BRINP3: variants seen among roughly 807,000 people sequenced by gnomAD.
BRINP3 encodes the protein BMP/retinoic acid inducible neural specific 3, also known as BMP/retinoic acid-inducible neural-specific protein 3.
A neutral mutation model predicts 71.0 loss-of-function variants in BRINP3; 19 were observed. The observed-to-expected ratio is 0.27, with a 90% CI of 0.19 to 0.39. BRINP3 has a LOEUF of 0.39. Among genes scored for constraint, BRINP3 ranks in the 10% least tolerant of loss-of-function variants. The probability of loss-of-function intolerance (pLI) is 1.00; values close to 1 mark genes in which losing one functional copy is unlikely to be tolerated. For synonymous variants in BRINP3, 380 were observed against 337.7 expected (o/e 1.13, Z -1.37); for missense variants, 959 against 940.8 (o/e 1.02, Z -0.25).
chr1:190,262,921 ATATT>A (rs1225241635), intron 4 of BRINP3, among the ~76,000 whole-genome samples: 5 of 152,072 alleles, frequency 3.3e-5, no homozygotes, highest in African/African-American at 1.2e-4. Flanking sequence ...GTATATATAT[ATATT>A]TCTTTTTTTG....
chr1:190,447,327 T>C (rs76238798), intron 2 of BRINP3, among the ~76,000 whole-genome samples: 1,483 of 147,026 alleles, frequency 0.01, 26 homozygotes, highest in African/African-American at 0.034. Context: ...TATAATTTTT[T>C]TAACCAACAT....
At chr1:190,378,200 T>G (rs1670302344) in intron 2 of BRINP3, among the ~76,000 whole-genome samples, 2 of 152,184 alleles carry the variant, frequency 1.3e-5, no homozygotes, top group South Asian at 4.1e-4. Flanking sequence ...GACGTAAACA[T>G]GTGATCCAAT....
intron 6 of BRINP3, among the ~76,000 whole-genome samples, chr1:190,204,555 T>C (rs1655326844): frequency 6.6e-6 from 1 of 151,878 alleles, no homozygotes; most frequent in Admixed American, 6.6e-5. Flanking sequence ...AAAAAAGTAA[T>C]ACTACCTAAA....
At chr1:190,193,587 ATTAAG>A (rs1367510835) in intron 6 of BRINP3, among the ~76,000 whole-genome samples, 1 of 152,092 alleles carries the variant, frequency 6.6e-6, no homozygotes, top group African/African-American at 2.4e-5. Flanking sequence ...TACAGATGTG[ATTAAG>A]TTAAGGATCT....
At chr1:190,375,622 T>C (rs542407317) in intron 2 of BRINP3, among the ~76,000 whole-genome samples, 3 of 152,054 alleles carry the variant, frequency 2.0e-5, no homozygotes, top group South Asian at 4.1e-4. Flanking sequence ...AACAGGCAGT[T>C]ATATAAATTG....
intron 6 of BRINP3, among the ~76,000 whole-genome samples, chr1:190,184,023 C>G (rs927525218): frequency 2.0e-5 from 3 of 152,050 alleles, no homozygotes; most frequent in African/African-American, 7.2e-5. Flanking sequence ...TTTCAAGTTT[C>G]TGGAGCATGT....
intron 7 of BRINP3, among the ~76,000 whole-genome samples, chr1:190,119,895 G>A (rs1340583828): frequency 6.6e-6 from 1 of 152,262 alleles, no homozygotes; most frequent in Non-Finnish European, 1.5e-5. Context: ...TCCTCACAGG[G>A]GTGTGGCCAG....
intron 2 of BRINP3, among the ~76,000 whole-genome samples, chr1:190,445,187 G>T (rs1675127159): frequency 6.6e-6 from 1 of 151,932 alleles, no homozygotes; most frequent in South Asian, 2.1e-4. Flanking sequence ...CAAAAAACTT[G>T]CTACTTCTAT....
intron 4 of BRINP3, among the ~76,000 whole-genome samples, chr1:190,246,355 G>A (rs72729183): frequency 0.036 from 5,483 of 151,834 alleles, 154 homozygotes; most frequent in Middle Eastern, 0.065. Flanking sequence ...GGCATCAAGG[G>A]TTTCTTAGAT....
At chr1:190,300,682 G>A (rs1041976213) in intron 2 of BRINP3, among the ~76,000 whole-genome samples, 17 of 151,984 alleles carry the variant, frequency 1.1e-4, no homozygotes, top group Admixed American at 3.9e-4. Context: ...CACCTCACAC[G>A]GCCAGGTAGT....
At chr1:190,415,729 C>G (rs1302337079) in intron 2 of BRINP3, among the ~76,000 whole-genome samples, 1 of 151,942 alleles carries the variant, frequency 6.6e-6, no homozygotes, top group Non-Finnish European at 1.5e-5. Context: ...AGCAAGACCC[C>G]TTATAGAAAA....
At chr1:190,416,489 C>A (rs1308243767) in intron 2 of BRINP3, among the ~76,000 whole-genome samples, 1 of 152,104 alleles carries the variant, frequency 6.6e-6, no homozygotes, top group Non-Finnish European at 1.5e-5. Context: ...TAACCATGAA[C>A]TTCAGCGGTT....
chr1:190,118,962 T>C (rs1474641591), intron 7 of BRINP3, among the ~76,000 whole-genome samples: 1 of 152,176 alleles, frequency 6.6e-6, no homozygotes, highest in Non-Finnish European at 1.5e-5. Flanking sequence ...CATTTTATGT[T>C]CTTCCTGGTT....
intron 2 of BRINP3, among the ~76,000 whole-genome samples, chr1:190,375,494 C>T (rs1670127021): frequency 6.6e-6 from 1 of 151,844 alleles, no homozygotes; most frequent in Non-Finnish European, 1.5e-5. Flanking sequence ...AAAGGCATAA[C>T]AAACTGAATA....
intron 7 of BRINP3, among the ~76,000 whole-genome samples, chr1:190,135,642 C>T (rs1040989294): frequency 1.3e-5 from 2 of 152,058 alleles, no homozygotes; most frequent in African/African-American, 4.8e-5. Context: ...TTGCATGTGA[C>T]TCCCTGATTT....
intron 4 of BRINP3, among the ~76,000 whole-genome samples, chr1:190,237,310 G>A (rs945913478): frequency 1.1e-4 from 16 of 151,476 alleles, no homozygotes; most frequent in African/African-American, 3.6e-4. Context: ...TCTTTCAATT[G>A]TATTCCATTT....
At chr1:190,301,403 T>G (rs1370379973) in intron 2 of BRINP3, among the ~76,000 whole-genome samples, 1 of 150,756 alleles carries the variant, frequency 6.6e-6, no homozygotes, top group Non-Finnish European at 1.5e-5. Context: ...AATAGTGTTA[T>G]ATTTTCACTT....
chr1:190,411,235 G>A (rs547569535), intron 2 of BRINP3, among the ~76,000 whole-genome samples: 2 of 151,976 alleles, frequency 1.3e-5, no homozygotes, highest in African/African-American at 2.4e-5. Flanking sequence ...AGAGGACAAC[G>A]GGATATTTAT....
intron 2 of BRINP3, among the ~76,000 whole-genome samples, chr1:190,430,211 C>T (rs985870211): frequency 2.0e-5 from 3 of 152,154 alleles, no homozygotes; most frequent in African/African-American, 7.2e-5. Context: ...TCAAACATCT[C>T]AAGTCAGTCA....
Sources: gnomAD v4.1 joint callset for allele counts (sites outside exome capture counted in the v4.1 genomes callset) on GRCh38, gnomAD v4.1.1 for gene constraint, MANE v1.5 for transcripts, NCBI Gene and HGNC (gene_info 2026-07-23, HGNC 2026-07-21) for gene names.